The following BRD4 variants were observed in gnomAD, a reference collection of about 807,000 sequenced individuals.
BRD4 encodes the protein bromodomain containing 4, also known as bromodomain-containing protein 4.
BRD4 carries 16 observed loss-of-function variants against 142.1 expected under a neutral mutation model. The observed-to-expected ratio is 0.11, with a 90% CI of 0.08 to 0.17. The LOEUF (loss-of-function observed/expected upper bound fraction) is 0.17, where lower values mean the gene tolerates loss of function less well. BRD4 is among the 10% of genes least tolerant of loss of function. The probability of loss-of-function intolerance (pLI) is 1.00; values close to 1 mark genes in which losing one functional copy is unlikely to be tolerated. For missense variants in BRD4, 1,424 were observed against 1,810.9 expected (o/e 0.79, Z 3.88); for synonymous variants, 833 against 707.5 (o/e 1.18, Z -2.82).
chr19:15,312,796 G>A (rs553415344), intron 1 of BRD4, among the ~76,000 whole-genome samples: 3 of 152,208 alleles, frequency 2.0e-5, no homozygotes, highest in African/African-American at 4.8e-5. Context: ...TTAGCCGGGC[G>A]TGGGGGCGCG....
rs937014418 is a variant in BRD4, at chr19:15,238,635, G to A, written c.4020+108C>T. ...AGAGGACCACATGCCGACCAGCAGG[G>A]ACGGGGCTCCCCCGCTGCCCCTCCC... On this transcript the variant is annotated intron_variant, in intron 19 of 19. Transcript: ENST00000679869. This position sits in a 1 kb window ranked among gnomAD's most constrained non-coding sequence, Gnocchi z 7.2. 4 of 1,457,830 alleles carry A rather than the reference G, an allele frequency of 2.7e-6. No homozygotes were observed. The African/African-American group carries it at 5.7e-5, about 21-fold the overall frequency. The allele number at this position is 1,457,830 out of a possible 1,614,324, so 90.3% of individuals were successfully genotyped here.
intron 1 of BRD4, among the ~76,000 whole-genome samples, chr19:15,326,783 C>G (rs1006515204): frequency 1.3e-5 from 2 of 152,230 alleles, no homozygotes; most frequent in Admixed American, 1.3e-4. Flanking sequence ...ACTCAGAACT[C>G]TCTTCCTCTG....
At chr19:15,327,918 T>TGA (rs1203158942) in intron 1 of BRD4, among the ~76,000 whole-genome samples, 1 of 17,840 alleles carries the variant, frequency 5.6e-5, no homozygotes, top group African/African-American at 2.1e-4. Context: ...GGATTTCTTT[T>TGA]GGGGGGGGGG....
intron 14 of BRD4, among the ~76,000 whole-genome samples, chr19:15,242,576 A>G (rs1267620622): frequency 6.6e-6 from 1 of 151,454 alleles, no homozygotes; most frequent in African/African-American, 2.4e-5. Context: ...GCATATCCTG[A>G]CCCCCTGAGG....
intron 1 of BRD4, among the ~76,000 whole-genome samples, chr19:15,292,404 G>A (rs1456351202): frequency 6.6e-6 from 1 of 152,174 alleles, no homozygotes; most frequent in Admixed American, 6.5e-5. Context: ...CACTAATTTG[G>A]ACCACACAAT....
At chr19:15,304,593 C>T (rs1324406416) in intron 1 of BRD4, among the ~76,000 whole-genome samples, 1 of 152,162 alleles carries the variant, frequency 6.6e-6, no homozygotes, top group East Asian at 1.9e-4. Context: ...AGCTGGCAGA[C>T]AATGTACGAG....
chr19:15,242,375 T>C (rs1486723100), intron 14 of BRD4, among the ~76,000 whole-genome samples: 1 of 152,028 alleles, frequency 6.6e-6, no homozygotes, highest in Non-Finnish European at 1.5e-5. Flanking sequence ...ATGCTGTCAA[T>C]GGGAAAAGGG....
intron 1 of BRD4, among the ~76,000 whole-genome samples, chr19:15,283,415 C>T (rs1205270722): frequency 6.6e-6 from 1 of 152,190 alleles, no homozygotes; most frequent in Non-Finnish European, 1.5e-5. Context: ...TTATAATCCT[C>T]ATTTAAATTT....
intron 1 of BRD4, among the ~76,000 whole-genome samples, chr19:15,298,855 A>G (rs1168135052): frequency 6.6e-6 from 1 of 152,108 alleles, no homozygotes; most frequent in East Asian, 1.9e-4. Context: ...CCAAAGAAAG[A>G]AAACAGGTCT....
At chr19:15,312,137 G>T (rs1202459646) in intron 1 of BRD4, among the ~76,000 whole-genome samples, 2 of 152,200 alleles carry the variant, frequency 1.3e-5, no homozygotes, top group African/African-American at 4.8e-5. Context: ...TGCCCTCACA[G>T]GGCTGGGTCA....
intron 1 of BRD4, among the ~76,000 whole-genome samples, chr19:15,289,760 T>C (rs1041117577): frequency 1.3e-5 from 2 of 151,692 alleles, no homozygotes; most frequent in African/African-American, 4.8e-5. Context: ...CTAGGAAAGA[T>C]GTGGCTCACA....
chr19:15,264,120 G>A (rs532454677), intron 6 of BRD4: 13 of 391,038 alleles, frequency 3.3e-5, no homozygotes, highest in African/African-American at 2.2e-4. Flanking sequence ...CAAGGTACCT[G>A]GGGCACTGGG....
intron 1 of BRD4, among the ~76,000 whole-genome samples, chr19:15,277,228 C>T (rs1184244404): frequency 2.0e-5 from 3 of 152,158 alleles, no homozygotes; most frequent in African/African-American, 4.8e-5. Context: ...GCTACATAAT[C>T]GAACTTGATG....
Position 15,237,066 on chromosome 19 carries a change from G to A in BRD4, c.*1311C>T. On this transcript the variant is annotated 3_prime_UTR_variant, in exon 20 of 20. Transcript: ENST00000679869. ...TGGGCAGGAGCGGCCAGCTGGTTGG[G>A]GCTGGGCGCCAGGTAGGGGAGTCTC... 4.7e-6 allele frequency: 1 copy of A among 212,636 alleles called. No individual in the cohort carries two copies. The highest frequency in any genetic ancestry group is 6.9e-5 in the East Asian group (1 of 14,562). The allele number at this position is 212,636 out of a possible 1,614,324, so 13.2% of individuals were successfully genotyped here.
chr19:15,278,603 C>T (rs1568395356), intron 1 of BRD4, among the ~76,000 whole-genome samples: 2 of 141,896 alleles, frequency 1.4e-5, no homozygotes, highest in African/African-American at 5.2e-5. Flanking sequence ...ATATATATTC[C>T]TGTTTTTTTT....
At chr19:15,276,003 A>AAAAAG (rs896913827) in intron 1 of BRD4, among the ~76,000 whole-genome samples, 3 of 152,196 alleles carry the variant, frequency 2.0e-5, no homozygotes, top group Admixed American at 6.5e-5. Flanking sequence ...TCAAAAAAAG[A>AAAAAG]AAAAGAAAAG....
chr19:15,316,762 A>AAAGGAGACCTGTCCAGTCAGCATT (rs1469022265), intron 1 of BRD4, among the ~76,000 whole-genome samples: 6 of 152,320 alleles, frequency 3.9e-5, no homozygotes, highest in African/African-American at 1.4e-4. Flanking sequence ...GTCTGGGTGA[A>AAAGGAGACCTGTCCAGTCAGCATT]AAGGAGACCT....
At chr19:15,323,435 CATG>C (rs760652297) in intron 1 of BRD4, among the ~76,000 whole-genome samples, 14 of 152,098 alleles carry the variant, frequency 9.2e-5, no homozygotes, top group Non-Finnish European at 1.9e-4. Flanking sequence ...TTTCAACTCT[CATG>C]ATAATGATCT....
At chr19:15,296,023 G>A (rs1033023847) in intron 1 of BRD4, among the ~76,000 whole-genome samples, 4 of 151,888 alleles carry the variant, frequency 2.6e-5, no homozygotes, top group South Asian at 4.2e-4. Context: ...AAAGAATTCC[G>A]GCCAGGCACA....
Sources: allele counts gnomAD v4.1 joint callset (sites outside exome capture counted in the v4.1 genomes callset), GRCh38; gene constraint gnomAD v4.1.1; non-coding constraint Gnocchi (gnomAD v3.1); transcripts MANE v1.5; gene names NCBI Gene and HGNC (gene_info 2026-07-23, HGNC 2026-07-21).